The following MAP6 variants were observed in gnomAD, a reference collection of about 807,000 sequenced individuals.
MAP6 encodes microtubule-associated protein 6.
A neutral mutation model predicts 42.4 loss-of-function variants in MAP6; 26 were observed. That is an observed-to-expected ratio of 0.61 (90% confidence interval 0.45 to 0.85). MAP6 has a LOEUF of 0.85. Ranked by LOEUF, MAP6 falls within the 40% of genes least tolerant of loss-of-function variation. The pLI, the probability that MAP6 is intolerant of heterozygous loss-of-function variation, is 0.00. For missense variants in MAP6, 966 were observed against 1,099.0 expected (o/e 0.88, Z 1.71); for synonymous variants, 418 against 443.8 (o/e 0.94, Z 0.73).
intron 1 of MAP6, among the ~76,000 whole-genome samples, chr11:75,653,363 G>A (rs1432080245): frequency 2.0e-5 from 3 of 152,180 alleles, no homozygotes; most frequent in Admixed American, 1.3e-4. Context: ...TTGAGGAGAT[G>A]CAGGCATAAT....
intron 1 of MAP6, among the ~76,000 whole-genome samples, chr11:75,629,230 T>C (rs988475764): frequency 6.6e-6 from 1 of 152,100 alleles, no homozygotes; most frequent in Non-Finnish European, 1.5e-5. Context: ...TGGGATTACA[T>C]GCATGTGCCA....
intron 1 of MAP6, among the ~76,000 whole-genome samples, chr11:75,634,623 AT>A (rs1943339983): frequency 1.3e-5 from 2 of 152,202 alleles, no homozygotes; most frequent in African/African-American, 4.8e-5. Context: ...AGGGCTTTTC[AT>A]GGCCAAAGGA....
At chr11:75,664,741 G>A (rs554691835) in intron 1 of MAP6, among the ~76,000 whole-genome samples, 1 of 152,274 alleles carries the variant, frequency 6.6e-6, no homozygotes, top group Non-Finnish European at 1.5e-5. Context: ...TGAGACAATA[G>A]GGAAGGAAAA....
chr11:75,615,982 G>C (rs1942988441), intron 1 of MAP6, among the ~76,000 whole-genome samples: 1 of 151,572 alleles, frequency 6.6e-6, no homozygotes, highest in Non-Finnish European at 1.5e-5. Context: ...GGTGGGGTTT[G>C]GCCCTGGAAA....
intron 1 of MAP6, among the ~76,000 whole-genome samples, chr11:75,660,352 C>T (rs533560444): frequency 6.6e-6 from 1 of 152,290 alleles, no homozygotes; most frequent in African/African-American, 2.4e-5. Context: ...TTTACTCAAC[C>T]GACCCTCAAA....
Position 75,587,836 on chromosome 11 carries a change from T to C in MAP6, c.1665A>G (p.Val555=). 6.2e-7 allele frequency: 1 copy of C among 1,614,102 alleles called. No homozygotes were observed. Among genetic ancestry groups the C allele is most frequent in the Non-Finnish European group, 8.5e-7 (1 of 1,180,006 alleles). ...GACCTTGATCCTTTAGAGACTCTGGTACCACAGAGCCTTGATCCTTAACTT... is the reference window on the plus strand; with the variant it reads ...GACCTTGATCCTTTAGAGACTCTGGCACCACAGAGCCTTGATCCTTAACTT... ...PAKVKDQGSV[V]PESLKDQGPR... Residue 555 remains valine, a synonymous_variant, in exon 4 of 4, where the codon GTA becomes GTG. Transcript: ENST00000304771.
chr11:75,595,721 C>T (rs1349238147), intron 3 of MAP6, among the ~76,000 whole-genome samples: 2 of 147,836 alleles, frequency 1.4e-5, no homozygotes, highest in Non-Finnish European at 3.0e-5. Flanking sequence ...CCACAGTGCC[C>T]CCACCCCCAC....
intron 3 of MAP6, chr11:75,597,160 C>T (rs888516580): frequency 4.6e-5 from 7 of 152,208 alleles, no homozygotes; most frequent in African/African-American, 1.7e-4. Flanking sequence ...AAGGTTCATT[C>T]CCTCCCCCTA....
At chr11:75,665,241 G>A (rs1943928028) in intron 1 of MAP6, among the ~76,000 whole-genome samples, 1 of 152,178 alleles carries the variant, frequency 6.6e-6, no homozygotes, top group Non-Finnish European at 1.5e-5. Context: ...AGCACGACAT[G>A]CTTACTGCAC....
Position 75,668,359 on chromosome 11 carries a change from G to T in MAP6, c.11C>A (p.Pro4Gln), listed in dbSNP as rs1944002925. The change falls in exon 1 of 4, where the codon CCG becomes CAG. Residue 4 changes from proline to glutamine, a missense_variant. Transcript: ENST00000304771. MAW[P>Q]CITRACCIAR... ...GATGCAGCAGGCCCTCGTGATGCAC[G>T]GCCACGCCATGATGCTAGCTGAAAA... is the stretch of plus-strand genomic sequence containing the variant. The T allele has an allele frequency of 1.3e-6, 2 of 1,572,198 alleles. No individual in the cohort carries two copies. Among genetic ancestry groups the T allele is most frequent in the Non-Finnish European group, 1.7e-6 (2 of 1,166,488 alleles).
chr11:75,639,222 C>T (rs1007517032), intron 1 of MAP6, among the ~76,000 whole-genome samples: 3 of 152,092 alleles, frequency 2.0e-5, no homozygotes, highest in African/African-American at 7.2e-5. Context: ...GTGATGGGTA[C>T]ACTAAAAGCC....
At chr11:75,592,222 T>C (rs652452) in intron 3 of MAP6, among the ~76,000 whole-genome samples, 36,769 of 152,116 alleles carry the variant, frequency 0.24, 5,809 homozygotes, top group East Asian at 0.61. Context: ...TTCGTTTGCA[T>C]CCCTGCTGCA....
chr11:75,642,429 AT>A (rs1427427495), intron 1 of MAP6, among the ~76,000 whole-genome samples: 1 of 152,254 alleles, frequency 6.6e-6, no homozygotes, highest in Non-Finnish European at 1.5e-5. Flanking sequence ...CATTTCCAAG[AT>A]TCAAAACTAT....
At chr11:75,643,775 G>A (rs1943513344) in intron 1 of MAP6, among the ~76,000 whole-genome samples, 2 of 152,308 alleles carry the variant, frequency 1.3e-5, no homozygotes, top group African/African-American at 2.4e-5. Flanking sequence ...GGTAGGTGCT[G>A]TTATGATACT....
intron 1 of MAP6, among the ~76,000 whole-genome samples, chr11:75,608,662 T>C (rs1942827217): frequency 6.6e-6 from 1 of 152,224 alleles, no homozygotes; most frequent in South Asian, 2.1e-4. Flanking sequence ...CATTCAGTCA[T>C]TCATGAAGTC....
At chr11:75,597,464 T>C (rs1942600604) in intron 3 of MAP6, among the ~76,000 whole-genome samples, 1 of 152,266 alleles carries the variant, frequency 6.6e-6, no homozygotes, top group Non-Finnish European at 1.5e-5. Context: ...TCGATTGTTT[T>C]AGCACCAAGA....
chr11:75,647,107 A>G (rs1943565820), intron 1 of MAP6, among the ~76,000 whole-genome samples: 1 of 151,768 alleles, frequency 6.6e-6, no homozygotes, highest in Admixed American at 6.6e-5. Flanking sequence ...CAGCCTCCCA[A>G]GTAGCTGGGA....
At chr11:75,640,934 C>T (rs1943457751) in intron 1 of MAP6, among the ~76,000 whole-genome samples, 1 of 152,094 alleles carries the variant, frequency 6.6e-6, no homozygotes, top group African/African-American at 2.4e-5. Context: ...GGCGATTCCT[C>T]AGGGATCTAG....
intron 1 of MAP6, among the ~76,000 whole-genome samples, chr11:75,631,059 A>T (rs987872524): frequency 3.3e-5 from 5 of 152,226 alleles, no homozygotes; most frequent in African/African-American, 1.2e-4. Context: ...AATTGTGTCT[A>T]TAATAAAGTG....
Sources: gnomAD v4.1 joint callset for allele counts (sites outside exome capture counted in the v4.1 genomes callset) on GRCh38, gnomAD v4.1.1 for gene constraint, MANE v1.5 for transcripts, NCBI Gene and HGNC (gene_info 2026-07-23, HGNC 2026-07-21) for gene names.